The following NPNT variants were observed in gnomAD, a reference collection of about 807,000 sequenced individuals.
The protein encoded by NPNT is nephronectin, also known as preosteoblast EGF-like repeat protein with MAM domain.
In NPNT, 45 loss-of-function variants were observed where a neutral mutation model predicts 68.6. The observed-to-expected ratio is 0.66, with a 90% confidence interval of 0.52 to 0.84. NPNT has a LOEUF of 0.84. Ranked by LOEUF, NPNT falls within the 40% of genes least tolerant of loss-of-function variation. The pLI is 0.00. For missense variants in NPNT, 672 were observed against 714.8 expected (o/e 0.94, Z 0.68); for synonymous variants, 233 against 253.3 (o/e 0.92, Z 0.76).
chr4:105,901,939 A>G (rs1560885842), intron 2 of NPNT, among the ~76,000 whole-genome samples: 7 of 152,220 alleles, frequency 4.6e-5, no homozygotes, highest in Admixed American at 3.3e-4. Flanking sequence ...GAAGTGATGA[A>G]AAAATTATTG....
intron 2 of NPNT, among the ~76,000 whole-genome samples, chr4:105,900,563 A>G (rs1726316525): frequency 1.3e-5 from 2 of 152,296 alleles, no homozygotes; most frequent in Middle Eastern, 3.4e-3. Context: ...CTAATGTTGC[A>G]GGATGCTAAA....
At chr4:105,959,600 T>C (rs560526673) in intron 10 of NPNT, among the ~76,000 whole-genome samples, 1 of 151,482 alleles carries the variant, frequency 6.6e-6, no homozygotes, top group African/African-American at 2.4e-5. Context: ...GATTATCCTC[T>C]GAAAAAATTT....
At chr4:105,907,080 A>C (rs574118090) in intron 2 of NPNT, among the ~76,000 whole-genome samples, 75 of 152,282 alleles carry the variant, frequency 4.9e-4, no homozygotes, top group African/African-American at 1.7e-3. Flanking sequence ...CTGTTTTCTT[A>C]ATTCACCTGG....
chr4:105,912,208 A>C, intron 2 of NPNT: 1 of 1,534,438 alleles, frequency 6.5e-7, no homozygotes, highest in Non-Finnish European at 8.7e-7. Context: ...CTTAAGGCAG[A>C]GAATAGCCAG....
chr4:105,907,986 ATTAT>A (rs976940975), intron 2 of NPNT, among the ~76,000 whole-genome samples: 2 of 152,102 alleles, frequency 1.3e-5, no homozygotes, highest in African/African-American at 4.8e-5. Flanking sequence ...TTCATTCTGT[ATTAT>A]TTTATAAATT....
intron 10 of NPNT, among the ~76,000 whole-genome samples, chr4:105,963,852 T>A (rs1460519825): frequency 6.6e-6 from 1 of 151,782 alleles, no homozygotes; most frequent in African/African-American, 2.4e-5. Flanking sequence ...ACAATATAAG[T>A]GAAAGCTTTC....
At chr4:105,952,229 A>G (rs1318256909) in intron 8 of NPNT, among the ~76,000 whole-genome samples, 1 of 152,192 alleles carries the variant, frequency 6.6e-6, no homozygotes, top group African/African-American at 2.4e-5. Flanking sequence ...TGTTATTTTT[A>G]ACTAACTAGA....
In NPNT at chr4:105,940,144, G is replaced by A. The variant is rs755428783; in HGVS notation, c.575G>A (p.Ser192Asn). 4.3e-6 allele frequency: 7 copies of A among 1,612,422 alleles called. No individual in the cohort carries two copies. The Admixed American group carries it at 1.0e-4, about 23-fold the overall frequency. ...RFRQCVNTFG[S>N]YICKCHKGFD... ...AGGCAATGTGTCAACACTTTTGGGA[G>A]CTACATCTGCAAGTGTCATAAAGGC... The change falls in exon 6 of 12, where the codon AGC becomes AAC. Residue 192 changes from serine (S) to asparagine (N), a missense_variant. Ser to Asn is a conservative substitution (Grantham distance 46, BLOSUM62 1). Coordinates refer to ENST00000379987, the MANE Select transcript of NPNT (RefSeq NM_001033047.3).
At chr4:105,918,727 C>T (rs1728010864) in intron 2 of NPNT, among the ~76,000 whole-genome samples, 1 of 152,136 alleles carries the variant, frequency 6.6e-6, no homozygotes, top group African/African-American at 2.4e-5. Context: ...ATTTTTATAT[C>T]CCCAATTTTT....
chr4:105,961,654 A>G (rs938217918), intron 10 of NPNT, among the ~76,000 whole-genome samples: 5 of 152,228 alleles, frequency 3.3e-5, no homozygotes, highest in African/African-American at 4.8e-5. Context: ...GAAGAGGGTT[A>G]GAAATTAGAA....
At chr4:105,939,104 G>A (rs961448787) in intron 5 of NPNT, among the ~76,000 whole-genome samples, 1 of 152,122 alleles carries the variant, frequency 6.6e-6, no homozygotes, top group Non-Finnish European at 1.5e-5. Flanking sequence ...TGAGTGCTAG[G>A]ATATATAGCA....
At chr4:105,941,666 C>CAAA (rs1729966411) in intron 7 of NPNT, among the ~76,000 whole-genome samples, 3 of 152,126 alleles carry the variant, frequency 2.0e-5, no homozygotes, top group African/African-American at 7.2e-5. Context: ...TGAAGATTAT[C>CAAA]AAGGAAAAAG....
Position 105,895,615 on chromosome 4 carries a change from C to G in NPNT, c.-38C>G, listed in dbSNP as rs749281864. The stretch of plus-strand genomic sequence containing the variant: ...GCCCACCACCCCAACCTGTTCCTCG[C>G]GCGCCACTGCGCTGCGCCCCAGGAC... On this transcript the variant is annotated 5_prime_UTR_variant, in exon 1 of 12. Transcript: ENST00000379987. 2 of 1,529,744 alleles carry G rather than the reference C, an allele frequency of 1.3e-6. No homozygotes were observed. The highest frequency in any genetic ancestry group is 2.8e-5 in the African/African-American group (2 of 72,590). 94.8% of individuals were successfully genotyped at this position (1,529,744 alleles called of 1,614,324 possible). A position where few individuals can be genotyped will look rare whatever the true frequency, so the allele number is the denominator to read the frequency against.
intron 11 of NPNT, 76 bp from the exon 12 acceptor site, chr4:105,968,819 C>A: frequency 1.3e-6 from 1 of 789,728 alleles, no homozygotes. Flanking sequence ...GGAAGGTTTG[C>A]CTTTATTTTT....
chr4:105,931,876 C>A (rs1729141508), intron 3 of NPNT, among the ~76,000 whole-genome samples: 1 of 152,020 alleles, frequency 6.6e-6, no homozygotes, highest in Non-Finnish European at 1.5e-5. Flanking sequence ...ACTCCCAAAA[C>A]CAATGTTCAT....
In NPNT at chr4:105,927,369, G is replaced by A. The variant is rs1362496197; in HGVS notation, c.206G>A (p.Cys69Tyr). Residue 69 changes from cysteine to tyrosine, a missense_variant, in exon 3 of 12, where the codon TGT (cysteine) becomes TAT (tyrosine). By Grantham distance (194) the Cys-to-Tyr change is radical. Transcript: ENST00000379987. ...VCQPRCKHGE[C>Y]IGPNKCKCHP... Reference sequence around the variant, plus strand: ...CAACCACGATGCAAACATGGTGAATGTATCGGGCCAAACAAGTGCAAGTGT... The same window carrying A: ...CAACCACGATGCAAACATGGTGAATATATCGGGCCAAACAAGTGCAAGTGT... 1 of 1,613,114 alleles carries A rather than the reference G, an allele frequency of 6.2e-7. No homozygotes were observed. Among genetic ancestry groups the A allele is most frequent in the Non-Finnish European group, 8.5e-7 (1 of 1,179,404 alleles).
chr4:105,968,974 G>A lies in NPNT; in HGVS notation c.1682G>A (p.Cys561Tyr), dbSNP rs756305424. The A allele has an allele frequency of 2.9e-5, 47 of 1,597,926 alleles. No homozygotes were observed. The highest frequency in any genetic ancestry group is 4.0e-5 in the African/African-American group (3 of 74,534). The part of the protein sequence containing the change: ...LDDVSLKKGH[C>Y]SEER ...GATGTGAGCTTGAAAAAAGGCCACT[G>A]CTCTGAAGAACGCTAACAACTCCAG... Residue 561 changes from cysteine to tyrosine, a missense_variant, in exon 12 of 12, where the codon TGC becomes TAC. Physicochemically the swap from Cys to Tyr is radical, Grantham distance 194. Transcript: ENST00000379987.
intron 2 of NPNT, among the ~76,000 whole-genome samples, chr4:105,899,036 C>T (rs71599074): frequency 6.6e-6 from 1 of 152,070 alleles, no homozygotes; most frequent in African/African-American, 2.4e-5. Flanking sequence ...AGAAGCCTGC[C>T]TTAGAGATGG....
At chr4:105,922,350 C>A (rs2149347433) in intron 2 of NPNT, among the ~76,000 whole-genome samples, 1 of 151,686 alleles carries the variant, frequency 6.6e-6, no homozygotes, top group Admixed American at 6.6e-5. Flanking sequence ...AAACTATTGT[C>A]CAACTCTCAG....
Sources: gnomAD v4.1 joint callset for allele counts (sites outside exome capture counted in the v4.1 genomes callset) on GRCh38, gnomAD v4.1.1 for gene constraint, MANE v1.5 for transcripts, NCBI Gene and HGNC (gene_info 2026-07-23, HGNC 2026-07-21) for gene names.